MEI4: variants seen among roughly 807,000 people sequenced by gnomAD.
MEI4 encodes the protein meiotic double-stranded break formation protein 4, also known as meiosis-specific protein MEI4.
In MEI4, 27 loss-of-function variants were observed where a neutral mutation model predicts 31.4. The ratio of observed to expected loss-of-function variants is 0.86; its 90% CI spans 0.63 to 1.19. The LOEUF (loss-of-function observed/expected upper bound fraction) is 1.19, where lower values mean the gene tolerates loss of function less well. Ranked by LOEUF, MEI4 falls within the 50% of genes most tolerant of loss-of-function variation. MEI4 has a pLI of 0.00. For synonymous variants in MEI4, 122 were observed against 145.4 expected (o/e 0.84, Z 1.16); for missense variants, 329 against 398.9 (o/e 0.82, Z 1.49).
intron 3 of MEI4, among the ~76,000 whole-genome samples, chr6:77,783,258 C>G (rs1333380335): frequency 6.6e-6 from 1 of 152,092 alleles, no homozygotes; most frequent in African/African-American, 2.4e-5. Context: ...ATATATATGG[C>G]AATATCTGCT....
intron 1 of MEI4, among the ~76,000 whole-genome samples, chr6:77,669,085 C>A (rs1215172408): frequency 6.6e-6 from 1 of 152,174 alleles, no homozygotes; most frequent in African/African-American, 2.4e-5. Flanking sequence ...CCTTCATTTT[C>A]TGTTAATACA....
rs553781824 is a variant in MEI4 at position 77,894,573 on chromosome 6, G to T, written c.901-28516G>T. ...AATAGGAATAAAAAGGGATAAATAT[G>T]ATGCCTTTTAATTTCTTTGAGTCAG... On this transcript the variant is annotated intron_variant, in intron 4 of 4. Coordinates refer to ENST00000684080, the MANE Select transcript of MEI4 (RefSeq NM_001322247.2). Among the ~76,000 whole-genome samples the T allele has an allele frequency of 3.3e-5, 5 of 152,232 alleles. No homozygotes were observed. The East Asian group carries it at 9.7e-4, about 29-fold the overall frequency.
At chr6:77,706,266 C>T (rs1289753817) in intron 2 of MEI4, among the ~76,000 whole-genome samples, 1 of 152,188 alleles carries the variant, frequency 6.6e-6, no homozygotes, top group Non-Finnish European at 1.5e-5. Flanking sequence ...GAAAGTAGAT[C>T]ATAAGACACT....
intron 4 of MEI4, among the ~76,000 whole-genome samples, chr6:77,860,434 C>T (rs918880965): frequency 2.0e-5 from 3 of 152,058 alleles, no homozygotes; most frequent in African/African-American, 7.3e-5. Flanking sequence ...CCTATTCACA[C>T]TCAGATAAGT....
intron 3 of MEI4, among the ~76,000 whole-genome samples, chr6:77,774,604 A>C (rs1768393390): frequency 6.6e-6 from 1 of 152,046 alleles, no homozygotes; most frequent in South Asian, 2.1e-4. Context: ...TTAAGTAGGT[A>C]GAGTTGGAGT....
At chr6:77,793,535 T>C (rs1768995273) in intron 3 of MEI4, among the ~76,000 whole-genome samples, 1 of 152,218 alleles carries the variant, frequency 6.6e-6, no homozygotes, top group African/African-American at 2.4e-5. Flanking sequence ...ATTTTAACTC[T>C]AGTATAAAAA....
intron 2 of MEI4, among the ~76,000 whole-genome samples, chr6:77,744,920 A>G (rs1312391295): frequency 1.3e-5 from 2 of 152,164 alleles, no homozygotes; most frequent in Admixed American, 6.6e-5. Context: ...AGCAAATGCT[A>G]AGAAATTTTG....
intron 4 of MEI4, among the ~76,000 whole-genome samples, chr6:77,863,411 A>T (rs1276187568): frequency 6.6e-6 from 1 of 152,128 alleles, no homozygotes; most frequent in East Asian, 1.9e-4. Context: ...GCTGAAAACC[A>T]AGGCACGGGA....
chr6:77,698,228 C>G (rs7771301), intron 2 of MEI4, among the ~76,000 whole-genome samples: 20,922 of 152,074 alleles, frequency 0.14, 1,530 homozygotes, highest in Middle Eastern at 0.2. Context: ...TCCAATTTGC[C>G]AGTCTGTGTC....
chr6:77,724,967 T>G (rs1254603591), intron 2 of MEI4, among the ~76,000 whole-genome samples: 4 of 142,590 alleles, frequency 2.8e-5, no homozygotes, highest in Non-Finnish European at 6.2e-5. Flanking sequence ...AAATACTATC[T>G]TCTTCTGTTT....
intron 4 of MEI4, among the ~76,000 whole-genome samples, chr6:77,916,505 A>T (rs774854288): frequency 6.6e-6 from 1 of 152,006 alleles, no homozygotes; most frequent in Non-Finnish European, 1.5e-5. Context: ...GGGAGCATGC[A>T]TTGTGTGGTC....
At chr6:77,742,419 C>G (rs1267569115) in intron 2 of MEI4, among the ~76,000 whole-genome samples, 1 of 152,056 alleles carries the variant, frequency 6.6e-6, no homozygotes, top group Non-Finnish European at 1.5e-5. Flanking sequence ...TAAATGTCTT[C>G]TTTTGAGAAG....
chr6:77,805,630 G>T (rs1014158630), intron 3 of MEI4, among the ~76,000 whole-genome samples: 1 of 152,014 alleles, frequency 6.6e-6, no homozygotes, highest in African/African-American at 2.4e-5. Context: ...CTTAGACCAG[G>T]AAAATATTTG....
chr6:77,666,709 G>A (rs1036051335), intron 1 of MEI4, among the ~76,000 whole-genome samples: 1 of 152,002 alleles, frequency 6.6e-6, no homozygotes, highest in Non-Finnish European at 1.5e-5. Context: ...GCTTCTTTAC[G>A]ATATATTTGA....
intron 4 of MEI4, among the ~76,000 whole-genome samples, chr6:77,869,116 G>A (rs956448372): frequency 6.6e-6 from 1 of 152,134 alleles, no homozygotes; most frequent in Non-Finnish European, 1.5e-5. Flanking sequence ...GAATATTGCA[G>A]TAAGCAAAGC....
intron 3 of MEI4, among the ~76,000 whole-genome samples, chr6:77,792,464 A>G (rs368141974): frequency 6.6e-5 from 10 of 152,050 alleles, no homozygotes; most frequent in African/African-American, 2.4e-4. Context: ...TCTTGCCAGT[A>G]CTTGTTTTCT....
intron 4 of MEI4, among the ~76,000 whole-genome samples, chr6:77,903,373 CTTTA>C (rs747635832): frequency 9.9e-5 from 15 of 152,152 alleles, no homozygotes; most frequent in Non-Finnish European, 1.9e-4. Flanking sequence ...ATAAAATAGG[CTTTA>C]TTTTAGATGT....
In MEI4 at chr6:77,785,343, C is replaced by T. The variant is rs1164562616; in HGVS notation, c.768+23678C>T. ...TCCTTGTGAAGATTTGTTTCAAGCA[C>T]TTCTCAAGTATATATTACCACTTGG... On this transcript the variant is annotated intron_variant, in intron 3 of 4. Coordinates refer to ENST00000684080, the MANE Select transcript of MEI4 (RefSeq NM_001322247.2). Among the ~76,000 whole-genome samples the T allele has an allele frequency of 2.6e-5, 4 of 152,268 alleles. No homozygotes were observed. In the East Asian group the frequency reaches 5.8e-4, roughly 22 times the overall value.
chr6:77,809,075 A>C (rs780498739), intron 3 of MEI4, among the ~76,000 whole-genome samples: 1 of 152,374 alleles, frequency 6.6e-6, no homozygotes, highest in Non-Finnish European at 1.5e-5. Flanking sequence ...TCTGGGTGTC[A>C]TATCACGGTG....
Sources: allele counts gnomAD v4.1 joint callset (sites outside exome capture counted in the v4.1 genomes callset), GRCh38; gene constraint gnomAD v4.1.1; transcripts MANE v1.5; gene names NCBI Gene and HGNC (gene_info 2026-07-23, HGNC 2026-07-21).